CALU: variants seen among roughly 807,000 people sequenced by gnomAD.
CALU encodes calumenin.
A neutral mutation model predicts 37.5 loss-of-function variants in CALU; 13 were observed. The observed-to-expected ratio is 0.35, with a 90% CI of 0.23 to 0.55. The LOEUF (loss-of-function observed/expected upper bound fraction) is 0.55, where lower values mean the gene tolerates loss of function less well. Ranked by LOEUF, CALU falls within the 20% of genes least tolerant of loss-of-function variation. The probability of loss-of-function intolerance (pLI) is 0.89; values close to 1 mark genes in which losing one functional copy is unlikely to be tolerated. For missense variants in CALU, 282 were observed against 391.7 expected (o/e 0.72, Z 2.36); for synonymous variants, 114 against 133.8 (o/e 0.85, Z 1.02).
intron 3 of CALU, among the ~76,000 whole-genome samples, chr7:128,757,895 T>G (rs1023892348): frequency 1.4e-5 from 2 of 147,374 alleles, no homozygotes; most frequent in Non-Finnish European, 3.0e-5. Context: ...AAATTCAATT[T>G]GGTTGTAATC....
At chr7:128,751,151 G>A (rs1800656212) in intron 2 of CALU, among the ~76,000 whole-genome samples, 1 of 152,086 alleles carries the variant, frequency 6.6e-6, no homozygotes. Flanking sequence ...AGCTGGGCCT[G>A]GTGGCGCGTG....
rs1159077927 is a variant in CALU, at chr7:128,748,695, G to T, written c.112G>T (p.Val38Phe). Reference sequence around the variant, plus strand: ...TCATGAGCCTCAGCTCAGTGACAAGGTTCACAATGATGCTCAGAGTTTTGA... The same window carrying T: ...TCATGAGCCTCAGCTCAGTGACAAGTTTCACAATGATGCTCAGAGTTTTGA... The part of the protein sequence containing the change: ...VHHEPQLSDK[V>F]HNDAQSFDYD... The change falls in exon 2 of 7, where the codon GTT becomes TTT. Residue 38 changes from valine (V) to phenylalanine (F), a missense_variant. Val to Phe is a conservative substitution (Grantham distance 50). Coordinates refer to ENST00000249364, the MANE Select transcript of CALU (RefSeq NM_001219.5). 1.2e-6 allele frequency: 2 copies of T among 1,614,180 alleles called. No individual in the cohort carries two copies. The highest frequency in any genetic ancestry group is 8.5e-7 in the Non-Finnish European group (1 of 1,180,020).
intron 5 of CALU, among the ~76,000 whole-genome samples, chr7:128,766,233 A>G (rs1452636666): frequency 6.6e-6 from 1 of 152,056 alleles, no homozygotes; most frequent in Non-Finnish European, 1.5e-5. Flanking sequence ...AAGTGCTGGG[A>G]TTACAGGCAT....
chr7:128,762,046 T>C lies in CALU; in HGVS notation c.643+2194T>C, dbSNP rs947649560. Among the ~76,000 whole-genome samples, 3 of 138,452 alleles carry C rather than the reference T, an allele frequency of 2.2e-5. No individual in the cohort carries two copies. In the South Asian group the frequency reaches 6.3e-4, roughly 29 times the overall value. 90.8% of individuals were successfully genotyped at this position (138,452 alleles called of 152,430 possible). A position where few individuals can be genotyped will look rare whatever the true frequency, so the allele number is the denominator to read the frequency against. Reference sequence around the variant, plus strand: ...GGATGGATGTTTTCCTAAACTGATTTTTTTTTTTTTTGGAGAAGTTTATCA... The same window carrying C: ...GGATGGATGTTTTCCTAAACTGATTCTTTTTTTTTTTGGAGAAGTTTATCA... On this transcript the variant is annotated intron_variant, in intron 5 of 6. Coordinates refer to ENST00000249364, the MANE Select transcript of CALU (RefSeq NM_001219.5).
intron 5 of CALU, among the ~76,000 whole-genome samples, chr7:128,760,181 A>C (rs1340819568): frequency 6.6e-6 from 1 of 152,130 alleles, no homozygotes; most frequent in Non-Finnish European, 1.5e-5. Context: ...CTGGGCAACA[A>C]GAGTGAAACT....
chr7:128,768,847 CAAAAAAAAAAAA>C (rs1012831963), intron 6 of CALU, among the ~76,000 whole-genome samples: 1 of 55,196 alleles, frequency 1.8e-5, no homozygotes, highest in South Asian at 6.5e-4. Flanking sequence ...AACTCCGTCT[CAAAAAAAAAAAA>C]AAAAAAAAAC....
intron 2 of CALU, among the ~76,000 whole-genome samples, chr7:128,752,937 G>T (rs899448876): frequency 6.6e-6 from 1 of 152,122 alleles, no homozygotes; most frequent in Non-Finnish European, 1.5e-5. Flanking sequence ...TGATCTGCCC[G>T]CCTCGGCCTC....
At chr7:128,744,832 A>G (rs1012856017) in intron 1 of CALU, among the ~76,000 whole-genome samples, 1 of 152,216 alleles carries the variant, frequency 6.6e-6, no homozygotes, top group Non-Finnish European at 1.5e-5. Flanking sequence ...TTGAAAGTTT[A>G]TTCAGGAGAG....
intron 1 of CALU, among the ~76,000 whole-genome samples, chr7:128,745,612 A>G (rs1026563725): frequency 2.6e-5 from 4 of 152,150 alleles, no homozygotes; most frequent in Non-Finnish European, 5.9e-5. Context: ...TCAAAAAAAG[A>G]ATTGTTTATA....
rs1257146305 is a variant in CALU, at chr7:128,742,792, C to T, written c.-12+3360C>T. ...ACACTTAACCCAGTTAGGCTTTTCT[C>T]TTTATAAATTACTGGAACGATTCAT... On this transcript the variant is annotated intron_variant, in intron 1 of 6. Coordinates refer to ENST00000249364, the MANE Select transcript of CALU (RefSeq NM_001219.5). 2.0e-5 allele frequency among the ~76,000 whole-genome samples: 3 copies of T among 152,166 alleles called. No homozygotes were observed. The East Asian group carries it at 5.8e-4, about 29-fold the overall frequency.
intron 2 of CALU, among the ~76,000 whole-genome samples, chr7:128,750,300 C>T (rs983405201): frequency 4.0e-5 from 6 of 151,574 alleles, no homozygotes; most frequent in Admixed American, 6.6e-5. Flanking sequence ...ATATTGTGCA[C>T]GTCCAACCCA....
chr7:128,759,905 G>T (rs1801037358), intron 5 of CALU, 53 bp downstream of exon 5: 2 of 963,208 alleles, frequency 2.1e-6, no homozygotes, highest in South Asian at 2.6e-5. Flanking sequence ...GCTTTGAAAG[G>T]TGTATTTGCT....
chr7:128,740,111 C>T (rs909378708), intron 1 of CALU, among the ~76,000 whole-genome samples: 2 of 152,176 alleles, frequency 1.3e-5, no homozygotes, highest in Non-Finnish European at 2.9e-5. Context: ...CTTCTAGCCC[C>T]ATATCCTACT....
In CALU at chr7:128,772,054, GTTTTTTTTGTTT is replaced by G. The variant is rs1478510710; in HGVS notation, c.*2901_*2912del. 1.8e-5 allele frequency among the ~76,000 whole-genome samples: 2 copies of G among 110,290 alleles called. No homozygotes were observed. The highest frequency in any genetic ancestry group is 4.1e-5 in the Non-Finnish European group (2 of 49,116). 72.4% of individuals were successfully genotyped at this position (110,290 alleles called of 152,430 possible). On this transcript the variant is annotated 3_prime_UTR_variant, in exon 7 of 7. Transcript: ENST00000249364. ...TCAAACTCATATTTGGGGCCACTGA[GTTTTTTTTGTTT>G]TTTTTTTTGTTTTGTTTTGTTTTTT...
intron 1 of CALU, chr7:128,748,364 A>G: frequency 1.1e-5 from 17 of 1,502,648 alleles, no homozygotes; most frequent in Non-Finnish European, 1.5e-5. Flanking sequence ...GATGAAGGAA[A>G]CTGGTAAAAA....
Position 128,748,575 on chromosome 7 carries a change from C to T in CALU, c.-9C>T. The T allele has an allele frequency of 6.2e-7, 1 of 1,608,518 alleles. No homozygotes were observed. Among genetic ancestry groups the T allele is most frequent in the Non-Finnish European group, 8.5e-7 (1 of 1,176,362 alleles). On this transcript the variant is annotated splice_region_variant and 5_prime_UTR_variant, in exon 2 of 7. Coordinates refer to ENST00000249364, the MANE Select transcript of CALU (RefSeq NM_001219.5). ...AACTGCTTTTCATTTTCTTCAAGATCTAATTATCATGGACCTGCGACAGTT... is the reference window on the plus strand; with the variant it reads ...AACTGCTTTTCATTTTCTTCAAGATTTAATTATCATGGACCTGCGACAGTT...
chr7:128,741,507 GT>G (rs561969599), intron 1 of CALU, among the ~76,000 whole-genome samples: 5 of 152,296 alleles, frequency 3.3e-5, no homozygotes, highest in African/African-American at 1.2e-4. Flanking sequence ...TATGGTCATT[GT>G]TTTTGAGTGG....
chr7:128,748,915 C>A, intron 2 of CALU, 111 bp downstream of exon 2: 1 of 675,382 alleles, frequency 1.5e-6, no homozygotes, highest in Non-Finnish European at 2.5e-6. Context: ...ACTATTAATA[C>A]ATCTTCTGAA....
chr7:128,747,907 G>GA (rs1800508870), intron 1 of CALU: 1 of 159,488 alleles, frequency 6.3e-6, no homozygotes, highest in African/African-American at 2.4e-5. Flanking sequence ...CAACTGTGCA[G>GA]AAGGATAAAG....
Sources: allele counts gnomAD v4.1 joint callset (sites outside exome capture counted in the v4.1 genomes callset), GRCh38; gene constraint gnomAD v4.1.1; transcripts MANE v1.5; gene names NCBI Gene and HGNC (gene_info 2026-07-23, HGNC 2026-07-21).